Variants in TMEM41B observed in about 807,000 individuals in gnomAD.
The protein encoded by TMEM41B is transmembrane protein 41B.
TMEM41B carries 18 observed loss-of-function variants against 31.9 expected under a neutral mutation model. The observed-to-expected ratio is 0.56, with a 90% confidence interval of 0.39 to 0.84. The LOEUF (loss-of-function observed/expected upper bound fraction) is 0.84, where lower values mean the gene tolerates loss of function less well. Among genes scored for constraint, TMEM41B ranks in the 40% least tolerant of loss-of-function variants. The probability of loss-of-function intolerance (pLI) is 0.00; values close to 1 mark genes in which losing one functional copy is unlikely to be tolerated. For missense variants in TMEM41B, 322 were observed against 348.0 expected (o/e 0.93, Z 0.59); for synonymous variants, 144 against 124.3 (o/e 1.16, Z -1.05).
At chr11:9,289,698 T>C (rs1050006636) in intron 3 of TMEM41B, among the ~76,000 whole-genome samples, 3 of 152,222 alleles carry the variant, frequency 2.0e-5, no homozygotes, top group Non-Finnish European at 2.9e-5. Context: ...CACTATGCTA[T>C]TGAAACTTCC....
At chr11:9,285,812 CAAAAAAA>C (rs59531093) in intron 6 of TMEM41B, among the ~76,000 whole-genome samples, 8 of 70,634 alleles carry the variant, frequency 1.1e-4, no homozygotes, top group Non-Finnish European at 2.4e-4. Context: ...GCAACATTTA[CAAAAAAA>C]AAAAAAAAAA....
Position 9,300,416 on chromosome 11 carries a change from G to C in TMEM41B, c.122-715C>G, listed in dbSNP as rs189709444. On this transcript the variant is annotated intron_variant, in intron 1 of 6. Transcript: ENST00000528080. The stretch of plus-strand genomic sequence containing the variant: ...TTGGCAATTACTTCACCTGTTTTAA[G>C]AACATAAATATTCACAAATGCAACT... 3.2e-3 allele frequency among the ~76,000 whole-genome samples: 490 copies of C among 152,234 alleles called. 1 individual carries two copies. Among genetic ancestry groups the C allele is most frequent in the Middle Eastern group, 6.8e-3 (2 of 294 alleles).
chr11:9,302,276 G>A (rs1443001601), intron 1 of TMEM41B, among the ~76,000 whole-genome samples: 1 of 99,874 alleles, frequency 1.0e-5, no homozygotes, highest in Non-Finnish European at 2.1e-5. Context: ...CCAAAGTGCT[G>A]GGATTACAGG....
intron 5 of TMEM41B, 81 bp downstream of exon 5, chr11:9,287,621 T>C: frequency 1.2e-6 from 1 of 857,140 alleles, no homozygotes; most frequent in East Asian, 2.7e-5. Flanking sequence ...TTAATACATG[T>C]AGTTAATTCA....
rs374003988 is a variant in TMEM41B at position 9,309,162 on chromosome 11, C to T, written c.121+5159G>A. On this transcript the variant is annotated intron_variant, in intron 1 of 6. Transcript: ENST00000528080. ...CTGGGGAGGCTGAGGCGGAGAATCG[C>T]TTGAATCTGGGAGGTGGAGGTTGTG... Among the ~76,000 whole-genome samples, 11 of 152,050 alleles carry T rather than the reference C, an allele frequency of 7.2e-5. No individual in the cohort carries two copies. In the East Asian group the frequency reaches 1.7e-3, roughly 24 times the overall value.
intron 2 of TMEM41B, among the ~76,000 whole-genome samples, chr11:9,297,949 T>C (rs1190390811): frequency 6.7e-6 from 1 of 150,114 alleles, no homozygotes; most frequent in Admixed American, 6.7e-5. Context: ...CCTGTACTCC[T>C]ACCTACTCGG....
intron 1 of TMEM41B, among the ~76,000 whole-genome samples, chr11:9,305,029 C>T (rs1466195599): frequency 1.3e-5 from 2 of 152,120 alleles, no homozygotes; most frequent in Non-Finnish European, 2.9e-5. Context: ...TGGCTTCAAG[C>T]AGTCCTCCTG....
rs1434264817 is a variant in TMEM41B at position 9,283,258 on chromosome 11, C to A, written c.*166G>T. ...GTATACCAATTTCCATTTTTACTTT[C>A]TTCTCCCCTTGTCACTTAAATGTAT... On this transcript the variant is annotated 3_prime_UTR_variant, in exon 7 of 7. Transcript: ENST00000528080. The A allele has an allele frequency of 3.5e-6, 2 of 570,462 alleles. No individual in the cohort carries two copies. The highest frequency in any genetic ancestry group is 2.6e-5 in the South Asian group (1 of 38,962). 35.3% of individuals were successfully genotyped at this position (570,462 alleles called of 1,614,324 possible).
chr11:9,312,903 CAAAAAA>C (rs36030741), intron 1 of TMEM41B, among the ~76,000 whole-genome samples: 4 of 95,340 alleles, frequency 4.2e-5, no homozygotes, highest in African/African-American at 8.0e-5. Flanking sequence ...GACTCCGTCT[CAAAAAA>C]AAAAAAAAAA....
intron 5 of TMEM41B, 115 bp downstream of exon 5, chr11:9,287,587 A>T: frequency 1.6e-6 from 1 of 619,956 alleles, no homozygotes. Context: ...ACTTGAGTTA[A>T]CTTAGGAATT....
At chr11:9,303,682 C>G (rs1196554063) in intron 1 of TMEM41B, among the ~76,000 whole-genome samples, 1 of 107,736 alleles carries the variant, frequency 9.3e-6, no homozygotes, top group Non-Finnish European at 1.7e-5. Context: ...GAGACAGAGT[C>G]TTGCTCTGTG....
intron 1 of TMEM41B, among the ~76,000 whole-genome samples, chr11:9,312,061 T>C (rs1853573718): frequency 6.6e-6 from 1 of 152,242 alleles, no homozygotes; most frequent in Non-Finnish European, 1.5e-5. Context: ...TGACACATCC[T>C]GAACAGGCCA....
intron 6 of TMEM41B, among the ~76,000 whole-genome samples, chr11:9,284,639 T>A (rs1852795034): frequency 6.6e-6 from 1 of 151,840 alleles, no homozygotes; most frequent in African/African-American, 2.4e-5. Context: ...GGCGCACACC[T>A]GTAATCCCAG....
At chr11:9,292,981 T>A (rs1590376376) in intron 3 of TMEM41B, among the ~76,000 whole-genome samples, 1 of 152,196 alleles carries the variant, frequency 6.6e-6, no homozygotes, top group East Asian at 1.9e-4. Context: ...TTAAGATTCC[T>A]GCTATTCTCT....
chr11:9,302,796 G>A (rs1341102954), intron 1 of TMEM41B, among the ~76,000 whole-genome samples: 1 of 98,552 alleles, frequency 1.0e-5, no homozygotes, highest in Non-Finnish European at 2.2e-5. Flanking sequence ...GCTAAAATCT[G>A]GCCCACTTTT....
rs1248832476 is a variant in TMEM41B at position 9,302,336 on chromosome 11, C to T, written c.122-2635G>A. ...TTTTTCTCTTGTTTTAACAATCTTC[C>T]TTTTTTCCTAGTTTAAACTGATGTC... On this transcript the variant is annotated intron_variant, in intron 1 of 6. Transcript: ENST00000528080. Among the ~76,000 whole-genome samples the T allele has an allele frequency of 4.0e-5, 4 of 100,308 alleles. 1 individual carries two copies. The highest frequency in any genetic ancestry group is 1.5e-4 in the African/African-American group (4 of 25,998). The allele number at this position is 100,308 out of a possible 152,430, so 65.8% of individuals were successfully genotyped here. A position where few individuals can be genotyped will look rare whatever the true frequency, so the allele number is the denominator to read the frequency against.
rs796368910 is a variant in TMEM41B, at chr11:9,296,625, A to G, written c.240-1238T>C. On this transcript the variant is annotated intron_variant, in intron 2 of 6. Coordinates refer to ENST00000528080, the MANE Select transcript of TMEM41B (RefSeq NM_015012.4). Reference sequence around the variant, plus strand: ...TCTCAAAAAAAAAAAAAAAAAAAAGAAAGAAAGAAAAAAAGAACCACTGAT... The same window carrying G: ...TCTCAAAAAAAAAAAAAAAAAAAAGGAAGAAAGAAAAAAAGAACCACTGAT... Among the ~76,000 whole-genome samples the G allele has an allele frequency of 6.7e-5, 10 of 149,652 alleles. 1 individual carries two copies. Among genetic ancestry groups the G allele is most frequent in the African/African-American group, 2.5e-4 (10 of 40,380 alleles).
chr11:9,292,385 G>T (rs996667125), intron 3 of TMEM41B, among the ~76,000 whole-genome samples: 5 of 152,050 alleles, frequency 3.3e-5, no homozygotes, highest in African/African-American at 1.2e-4. Context: ...CAACATAGTT[G>T]CCTATTTGTG....
At chr11:9,298,991 T>C (rs528266994) in intron 2 of TMEM41B, among the ~76,000 whole-genome samples, 49 of 150,864 alleles carry the variant, frequency 3.2e-4, no homozygotes, top group Admixed American at 3.0e-3. Flanking sequence ...TTCTAAAATA[T>C]ATTTCCAGGC....
Sources: gnomAD v4.1 joint callset for allele counts (sites outside exome capture counted in the v4.1 genomes callset) on GRCh38, gnomAD v4.1.1 for gene constraint, MANE v1.5 for transcripts, NCBI Gene and HGNC (gene_info 2026-07-23, HGNC 2026-07-21) for gene names.